PRELID2: variants seen among roughly 807,000 people sequenced by gnomAD.
PRELID2 encodes the protein PRELI domain-containing protein 2.
A neutral mutation model predicts 28.4 loss-of-function variants in PRELID2; 25 were observed. The ratio of observed to expected loss-of-function variants is 0.88; its 90% CI spans 0.64 to 1.23. The LOEUF (loss-of-function observed/expected upper bound fraction) is 1.23. Ranked by LOEUF, PRELID2 falls within the 50% of genes most tolerant of loss-of-function variation. PRELID2 has a pLI of 0.00. For synonymous variants in PRELID2, 76 were observed against 71.6 expected, an observed-to-expected ratio of 1.06 and a Z score of -0.31; for missense variants, 201 against 214.4, an observed-to-expected ratio of 0.94 and a Z score of 0.39.
the PRELID2 span, among the ~76,000 whole-genome samples, chr5:145,446,707 T>A: frequency 1.3e-5 from 2 of 151,952 alleles, no homozygotes; most frequent in Non-Finnish European, 2.9e-5. Context: ...GGAGCTTCCA[T>A]CGATTAAAAT....
intron 1 of PRELID2, among the ~76,000 whole-genome samples, chr5:145,715,836 G>A (rs919498286): frequency 2.6e-5 from 4 of 152,120 alleles, no homozygotes; most frequent in African/African-American, 9.7e-5. Context: ...CTTGACCATC[G>A]ATCTAGAGGA....
At chr5:145,282,367 A>T in the PRELID2 span, among the ~76,000 whole-genome samples, 1 of 152,158 alleles carries the variant, frequency 6.6e-6, no homozygotes, top group Non-Finnish European at 1.5e-5. Context: ...GAATGTCTTG[A>T]TACAATAATC....
chr5:145,407,564 C>A, the PRELID2 span, among the ~76,000 whole-genome samples: 1 of 152,118 alleles, frequency 6.6e-6, no homozygotes, highest in Non-Finnish European at 1.5e-5. Flanking sequence ...TTCTTAGAAG[C>A]CCTATGGCTC....
At chr5:145,832,560 G>A (rs780169413) in intron 1 of PRELID2, among the ~76,000 whole-genome samples, 81 of 152,202 alleles carry the variant, frequency 5.3e-4, no homozygotes, top group Non-Finnish European at 9.9e-4. Flanking sequence ...CAGCACAGCC[G>A]GGTGGCTAAG....
chr5:145,722,070 T>G (rs1756004901), intron 1 of PRELID2, among the ~76,000 whole-genome samples: 2 of 152,074 alleles, frequency 1.3e-5, no homozygotes, highest in South Asian at 4.1e-4. Context: ...GCATTCTCAA[T>G]AAGACAGATC....
chr5:145,378,267 C>A, the PRELID2 span, among the ~76,000 whole-genome samples: 9 of 152,002 alleles, frequency 5.9e-5, no homozygotes, highest in Non-Finnish European at 8.8e-5. Context: ...GTGTGTCTTG[C>A]GGAGGATCTT....
downstream of PRELID2, among the ~76,000 whole-genome samples, chr5:145,751,954 C>T (rs1178628354): frequency 2.0e-5 from 3 of 152,136 alleles, no homozygotes; most frequent in Non-Finnish European, 4.4e-5. Flanking sequence ...TGCTGTCCAG[C>T]CTGGGTGACA....
At chr5:145,398,653 G>T in the PRELID2 span, among the ~76,000 whole-genome samples, 1 of 152,044 alleles carries the variant, frequency 6.6e-6, no homozygotes, top group Admixed American at 6.6e-5. Flanking sequence ...CCTTTTCTAG[G>T]TGGTGAGGAC....
At chr5:145,819,113 G>C (rs892673872) in intron 3 of PRELID2, among the ~76,000 whole-genome samples, 11 of 152,100 alleles carry the variant, frequency 7.2e-5, no homozygotes, top group Non-Finnish European at 1.6e-4. Context: ...ATGATTATGA[G>C]GCCTCCCCAG....
At chr5:145,779,060 T>C (rs1758600944) in intron 5 of PRELID2, among the ~76,000 whole-genome samples, 1 of 152,232 alleles carries the variant, frequency 6.6e-6, no homozygotes, top group South Asian at 2.1e-4. Context: ...TCCTGTGTCA[T>C]ATAGAAAGCG....
chr5:145,615,488 G>T (rs569288813), intron 1 of PRELID2, among the ~76,000 whole-genome samples: 6 of 143,576 alleles, frequency 4.2e-5, no homozygotes, highest in African/African-American at 1.6e-4. Flanking sequence ...CACCTCGCCC[G>T]GCTAATTTTT....
chr5:145,349,371 T>C, the PRELID2 span, among the ~76,000 whole-genome samples: 1 of 152,210 alleles, frequency 6.6e-6, no homozygotes, highest in African/African-American at 2.4e-5. Context: ...ATTGTGTCTT[T>C]TGGGATTATG....
chr5:145,330,759 G>A, the PRELID2 span, among the ~76,000 whole-genome samples: 29 of 151,644 alleles, frequency 1.9e-4, no homozygotes, highest in African/African-American at 5.8e-4. Flanking sequence ...AAGGTTTTTC[G>A]TACCTCTATC....
At chr5:145,324,224 G>A in the PRELID2 span, among the ~76,000 whole-genome samples, 1 of 152,086 alleles carries the variant, frequency 6.6e-6, no homozygotes, top group Non-Finnish European at 1.5e-5. Context: ...TGGACACTGT[G>A]GATGTCATTG....
At chr5:145,799,948 G>A (rs1049933960) in intron 4 of PRELID2, among the ~76,000 whole-genome samples, 1 of 152,110 alleles carries the variant, frequency 6.6e-6, no homozygotes, top group African/African-American at 2.4e-5. Flanking sequence ...AGTTCAATGA[G>A]CATTTGTTAA....
At chr5:145,581,674 G>A (rs887987474) in intron 1 of PRELID2, among the ~76,000 whole-genome samples, 2 of 152,008 alleles carry the variant, frequency 1.3e-5, no homozygotes, top group Non-Finnish European at 2.9e-5. Context: ...GGCCTGCATG[G>A]TACATGGCAC....
intron 1 of PRELID2, among the ~76,000 whole-genome samples, chr5:145,722,952 T>G (rs548362387): frequency 3.5e-4 from 53 of 152,270 alleles, no homozygotes; most frequent in African/African-American, 1.1e-3. Context: ...CAAGGAAATT[T>G]GACCAAACTA....
At chr5:145,397,053 C>A in the PRELID2 span, among the ~76,000 whole-genome samples, 2 of 152,060 alleles carry the variant, frequency 1.3e-5, no homozygotes, top group African/African-American at 2.4e-5. Context: ...TAGTCTACTG[C>A]TATTCTTAAT....
At chr5:145,484,994 T>C (rs1752202885) in intron 1 of PRELID2, among the ~76,000 whole-genome samples, 1 of 152,170 alleles carries the variant, frequency 6.6e-6, no homozygotes, top group Admixed American at 6.5e-5. Context: ...GATAGAGAAA[T>C]TCGTCGTTGT....
Sources: allele counts gnomAD v4.1 joint callset (sites outside exome capture counted in the v4.1 genomes callset), GRCh38; gene constraint gnomAD v4.1.1; transcripts MANE v1.5; gene names NCBI Gene and HGNC (gene_info 2026-07-23, HGNC 2026-07-21).